MYRIP: variants seen among roughly 807,000 people sequenced by gnomAD.
MYRIP encodes the protein myosin VIIA and Rab interacting protein.
In MYRIP, 49 loss-of-function variants were observed where a neutral mutation model predicts 98.0. The ratio of observed to expected loss-of-function variants is 0.50; its 90% CI spans 0.40 to 0.63. The LOEUF is 0.63. Ranked by LOEUF, MYRIP falls within the 30% of genes least tolerant of loss-of-function variation. The probability of loss-of-function intolerance (pLI) is 0.00; values close to 1 mark genes in which losing one functional copy is unlikely to be tolerated. For synonymous variants in MYRIP, 404 were observed against 409.5 expected (o/e 0.99, Z 0.16); for missense variants, 1,004 against 1,058.2 (o/e 0.95, Z 0.71).
chr3:40,172,784 ACAGC>A (rs1278269867), intron 8 of MYRIP, among the ~76,000 whole-genome samples: 1 of 152,050 alleles, frequency 6.6e-6, no homozygotes, highest in Non-Finnish European at 1.5e-5. Flanking sequence ...CTTCCCCCAC[ACAGC>A]CAGATGGCAT....
chr3:39,825,574 T>A (rs1030410928), intron 1 of MYRIP, among the ~76,000 whole-genome samples: 4 of 152,190 alleles, frequency 2.6e-5, no homozygotes, highest in Non-Finnish European at 5.9e-5. Context: ...CTTTTTGACA[T>A]GTTGTGGGTT....
At chr3:40,016,602 G>A (rs1376073714) in intron 2 of MYRIP, among the ~76,000 whole-genome samples, 1 of 152,128 alleles carries the variant, frequency 6.6e-6, no homozygotes, top group Non-Finnish European at 1.5e-5. Flanking sequence ...CTTGCTCAGC[G>A]GGTTGTCCTG....
chr3:40,092,484 G>A (rs951997773), intron 3 of MYRIP, among the ~76,000 whole-genome samples: 1 of 152,140 alleles, frequency 6.6e-6, no homozygotes, highest in Non-Finnish European at 1.5e-5. Context: ...AAAAATCCAG[G>A]GCTTTACTCT....
At chr3:40,042,308 A>AAG (rs1186469319) in intron 2 of MYRIP, among the ~76,000 whole-genome samples, 11 of 132,610 alleles carry the variant, frequency 8.3e-5, no homozygotes, top group African/African-American at 1.8e-4. Flanking sequence ...AAAAAAAAAA[A>AAG]AGAGAGCCAA....
At chr3:39,869,757 A>G (rs534876326) in intron 1 of MYRIP, among the ~76,000 whole-genome samples, 1 of 152,320 alleles carries the variant, frequency 6.6e-6, no homozygotes, top group African/African-American at 2.4e-5. Flanking sequence ...AAACCAAGGT[A>G]CTATCCCCTC....
At chr3:40,117,083 A>G (rs1315211744) in intron 3 of MYRIP, among the ~76,000 whole-genome samples, 3 of 152,220 alleles carry the variant, frequency 2.0e-5, no homozygotes, top group Non-Finnish European at 4.4e-5. Context: ...TGACTGGAGC[A>G]TCCGGTGAGG....
intron 2 of MYRIP, among the ~76,000 whole-genome samples, chr3:40,034,083 A>G (rs1947323296): frequency 6.6e-6 from 1 of 152,198 alleles, no homozygotes; most frequent in Non-Finnish European, 1.5e-5. Flanking sequence ...AAGATGGATT[A>G]CAGACTTAAA....
chr3:39,963,963 G>A (rs934328579), intron 2 of MYRIP, among the ~76,000 whole-genome samples: 12 of 152,160 alleles, frequency 7.9e-5, no homozygotes, highest in African/African-American at 2.9e-4. Flanking sequence ...TTAAAACTCA[G>A]TATTAAAATA....
chr3:40,016,210 TCTC>T (rs1946857543), intron 2 of MYRIP, among the ~76,000 whole-genome samples: 2 of 152,100 alleles, frequency 1.3e-5, no homozygotes, highest in Admixed American at 1.3e-4. Context: ...CTGCCCAGCT[TCTC>T]CTCTGAGCCT....
At chr3:40,098,718 GTATC>G (rs1374223524) in intron 3 of MYRIP, among the ~76,000 whole-genome samples, 1 of 145,322 alleles carries the variant, frequency 6.9e-6, no homozygotes, top group African/African-American at 2.5e-5. Context: ...CTGGATGTGT[GTATC>G]TCTCTCTGTC....
intron 3 of MYRIP, chr3:40,099,931 CAT>C (rs1185948252): frequency 3.8e-5 from 35 of 919,198 alleles, no homozygotes; most frequent in Non-Finnish European, 4.4e-5. Context: ...CCCTGTTGCA[CAT>C]GTGTTGATGG....
intron 12 of MYRIP, among the ~76,000 whole-genome samples, chr3:40,240,949 T>C (rs1191597987): frequency 6.6e-6 from 1 of 152,116 alleles, no homozygotes. Context: ...CCCTAGACAG[T>C]GGTATCTCCA....
chr3:39,977,924 G>A (rs1396467602), intron 2 of MYRIP, among the ~76,000 whole-genome samples: 1 of 152,090 alleles, frequency 6.6e-6, no homozygotes, highest in Non-Finnish European at 1.5e-5. Flanking sequence ...ATTTATCAAT[G>A]TCTGTGGAGC....
chr3:40,107,599 G>A (rs181550389), intron 3 of MYRIP, among the ~76,000 whole-genome samples: 73 of 152,238 alleles, frequency 4.8e-4, no homozygotes, highest in Admixed American at 1.2e-3. Flanking sequence ...AGAGGAAATA[G>A]CAGGTATAAG....
intron 2 of MYRIP, among the ~76,000 whole-genome samples, chr3:39,958,985 T>A (rs1445070279): frequency 6.6e-6 from 1 of 152,106 alleles, no homozygotes; most frequent in East Asian, 1.9e-4. Context: ...AGATACCATC[T>A]CACACCAGTT....
intron 3 of MYRIP, among the ~76,000 whole-genome samples, chr3:40,053,709 G>A (rs928360382): frequency 6.6e-6 from 1 of 152,122 alleles, no homozygotes; most frequent in African/African-American, 2.4e-5. Flanking sequence ...AAAACAGCCT[G>A]AGCCTCTGGG....
chr3:40,004,472 A>T (rs1946589549), intron 2 of MYRIP, among the ~76,000 whole-genome samples: 1 of 152,004 alleles, frequency 6.6e-6, no homozygotes, highest in African/African-American at 2.4e-5. Flanking sequence ...TGTATTTTTA[A>T]TTTTATTTTT....
rs1044864738 is a variant in MYRIP, at chr3:40,032,568, G to C, written c.111-11482G>C. Among the ~76,000 whole-genome samples the C allele has an allele frequency of 5.9e-5, 9 of 152,110 alleles. 1 individual carries two copies. Among genetic ancestry groups the C allele is most frequent in the Admixed American group, 1.3e-4 (2 of 15,258 alleles). On this transcript the variant is annotated intron_variant, in intron 2 of 16. Coordinates refer to ENST00000302541, the MANE Select transcript of MYRIP (RefSeq NM_015460.4). ...CACTTGGTGCAGGCTCTGAAATTGTGGCAATAATCAATAGCTTACCAACCA... is the reference window on the plus strand; with the variant it reads ...CACTTGGTGCAGGCTCTGAAATTGTCGCAATAATCAATAGCTTACCAACCA...
At chr3:39,924,190 A>C (rs1482576336) in intron 2 of MYRIP, among the ~76,000 whole-genome samples, 2 of 152,246 alleles carry the variant, frequency 1.3e-5, no homozygotes, top group African/African-American at 2.4e-5. Context: ...ACAAATTAGC[A>C]AAGTGGATTT....
Sources: gnomAD v4.1 joint callset for allele counts (sites outside exome capture counted in the v4.1 genomes callset) on GRCh38, gnomAD v4.1.1 for gene constraint, MANE v1.5 for transcripts, NCBI Gene and HGNC (gene_info 2026-07-23, HGNC 2026-07-21) for gene names.